IZUMO4: variants seen among roughly 807,000 people sequenced by gnomAD.
The protein encoded by IZUMO4 is IZUMO family member 4, also known as izumo sperm-egg fusion protein 4.
In IZUMO4, 51 loss-of-function variants were observed where a neutral mutation model predicts 37.1. That is an observed-to-expected ratio of 1.38 (90% confidence interval 1.10 to 1.74). The LOEUF (loss-of-function observed/expected upper bound fraction) is 1.74. Ranked by LOEUF, IZUMO4 falls within the 40% of genes most tolerant of loss-of-function variation. IZUMO4 has a pLI of 0.00. For missense variants in IZUMO4, 364 were observed against 299.6 expected (o/e 1.21, Z -1.59); for synonymous variants, 162 against 121.4 (o/e 1.33, Z -2.20).
rs768395715 is a variant in IZUMO4 at position 2,096,944 on chromosome 19, G to C, written c.-2G>C. ...GTTGGCCGGCGGCGGGCCGGGACGG[G>C]CATGGCCCTGCTGCTGTGCCTGGTG... is the stretch of plus-strand genomic sequence containing the variant. On this transcript the variant is annotated 5_prime_UTR_variant, in exon 1 of 10. Coordinates refer to ENST00000395301, the MANE Select transcript of IZUMO4 (RefSeq NM_001039846.2). 1 of 1,603,292 alleles carries C rather than the reference G, an allele frequency of 6.2e-7. No homozygotes were observed. The highest frequency in any genetic ancestry group is 2.2e-5 in the East Asian group (1 of 44,822).
In IZUMO4 at chr19:2,097,159, A is replaced by T; in HGVS notation, c.214A>T (p.Ile72Phe). Residue 72 changes from isoleucine (I) to phenylalanine (F), a missense_variant, in exon 1 of 10, where the codon ATC (isoleucine) becomes TTC (phenylalanine). Physicochemically the swap from Ile to Phe is conservative, Grantham distance 21. Transcript: ENST00000395301. ...GCTGCACCTGGCCATCCCCGCCAAG[A>T]TCAGTGAGTGCCGGAGCCCAGCCCA... Reference protein sequence around the residue: ...KELHLAIPAKITREKLDQVAT... With the variant: ...KELHLAIPAKFTREKLDQVAT... 1 of 1,610,146 alleles carries T rather than the reference A, an allele frequency of 6.2e-7. No individual in the cohort carries two copies. Among genetic ancestry groups the T allele is most frequent in the South Asian group, 1.1e-5 (1 of 90,932 alleles).
At position 2,099,268 on chromosome 19, in the gene IZUMO4, G is replaced by T. The variant is rs1160297407; in HGVS notation, c.622G>T (p.Ala208Ser). The T allele has an allele frequency of 6.2e-7, 1 of 1,612,742 alleles. No individual in the cohort carries two copies. The highest frequency in any genetic ancestry group is 1.7e-5 in the Admixed American group (1 of 59,974). ...RATPAFLVSPALRCLEPPHLA... is the reference protein window; with the variant it reads ...RATPAFLVSPSLRCLEPPHLA... ...GTCTCCCCGCAGCCTGGTATCGCCA[G>T]CCTTAAGGTGTCTGGAGCCCCCACA... is the stretch of plus-strand genomic sequence containing the variant. Residue 208 changes from alanine to serine, a missense_variant, in exon 10 of 10, where the codon GCC becomes TCC. Coordinates refer to ENST00000395301, the MANE Select transcript of IZUMO4 (RefSeq NM_001039846.2).
intron 2 of IZUMO4, 36 bp from the exon 3 acceptor site, chr19:2,097,388 G>T (rs1490943133): frequency 2.9e-6 from 2 of 684,420 alleles, no homozygotes; most frequent in African/African-American, 1.8e-5. Context: ...CCCGCCCACC[G>T]CCTGAGCCTG....
chr19:2,098,560 C>T (rs371087830), intron 7 of IZUMO4, 110 bp downstream of exon 7: 5 of 1,605,338 alleles, frequency 3.1e-6, no homozygotes, highest in South Asian at 1.1e-5. Context: ...CCTAGAGGGG[C>T]TCCCGAGGAG....
intron 5 of IZUMO4, 51 bp downstream of exon 5, chr19:2,098,178 G>C (rs1311857635): frequency 6.2e-7 from 1 of 1,610,292 alleles, no homozygotes; most frequent in Non-Finnish European, 8.5e-7. Context: ...CTGTCCCTGG[G>C]GTCCCAGGCT....
At position 2,096,996 on chromosome 19, in the gene IZUMO4, C is replaced by T; in HGVS notation, c.51C>T (p.Gly17=). The T allele has an allele frequency of 6.2e-7, 1 of 1,610,510 alleles. No individual in the cohort carries two copies. The highest frequency in any genetic ancestry group is 8.5e-7 in the Non-Finnish European group (1 of 1,179,838). ...LVCLTAALAH[G]CLHCHSNFSK... is the part of the protein sequence containing the mutation. ...GCCTGACGGCGGCGCTGGCCCACGG[C>T]TGTCTGCACTGCCACAGCAACTTCT... is the stretch of plus-strand genomic sequence containing the variant. Residue 17 remains glycine (G), a synonymous_variant, in exon 1 of 10, where the codon GGC becomes GGT. Transcript: ENST00000395301.
At chr19:2,098,873 C>G in intron 8 of IZUMO4, 69 bp downstream of exon 8, 1 of 1,580,106 alleles carries the variant, frequency 6.3e-7, no homozygotes, top group Non-Finnish European at 8.7e-7. Flanking sequence ...CTAGGGGGTC[C>G]TCTAGATCAG....
At chr19:2,099,184 C>T in intron 9 of IZUMO4, 71 bp from the exon 10 acceptor site, 1 of 1,474,542 alleles carries the variant, frequency 6.8e-7, no homozygotes, top group African/African-American at 1.4e-5. Context: ...GGAGGAGAGG[C>T]CTGGGGCCCC....
chr19:2,098,224 G>T (rs1172195414), intron 5 of IZUMO4, 63 bp from the exon 6 acceptor site: 1 of 1,611,910 alleles, frequency 6.2e-7, no homozygotes, highest in Non-Finnish European at 8.5e-7. Context: ...CCACCTGGCT[G>T]TCATCGGGTA....
chr19:2,098,616 T>TA, intron 7 of IZUMO4, 166 bp downstream of exon 7: 1 of 1,574,928 alleles, frequency 6.3e-7, no homozygotes, highest in Non-Finnish European at 8.6e-7. Context: ...TGCAGTCCTT[T>TA]TCTCCCTCAA....
chr19:2,098,752 C>T (rs773546473), intron 7 of IZUMO4, 35 bp from the exon 8 acceptor site: 6 of 1,605,268 alleles, frequency 3.7e-6, no homozygotes, highest in East Asian at 2.2e-5. Context: ...AGGGGTGCCC[C>T]ATGGAGGGGC....
intron 3 of IZUMO4, 25 bp downstream of exon 3, chr19:2,097,520 G>T: frequency 6.2e-7 from 1 of 1,600,470 alleles, no homozygotes; most frequent in South Asian, 1.1e-5. Flanking sequence ...CTTCAGAGGA[G>T]GGAGGTGTTG....
Position 2,097,506 on chromosome 19 carries a change from A to G in IZUMO4, c.370+11A>G. Reference sequence around the variant, plus strand: ...ACGCCATCATCGAAAGTGAGCAAATAAGGCTTCAGAGGAGGGAGGTGTTGC... The same window carrying G: ...ACGCCATCATCGAAAGTGAGCAAATGAGGCTTCAGAGGAGGGAGGTGTTGC... On this transcript the variant is annotated intron_variant, in intron 3 of 9. Coordinates refer to ENST00000395301, the MANE Select transcript of IZUMO4 (RefSeq NM_001039846.2). The G allele has an allele frequency of 1.2e-6, 2 of 1,609,050 alleles. No individual in the cohort carries two copies. The highest frequency in any genetic ancestry group is 2.2e-5 in the East Asian group (1 of 44,856).
rs1156673368 is a variant in IZUMO4 at position 2,097,005 on chromosome 19, C to G, written c.60C>G (p.His20Gln). 2 of 1,611,292 alleles carry G rather than the reference C, an allele frequency of 1.2e-6. No individual in the cohort carries two copies. The highest frequency in any genetic ancestry group is 1.1e-5 in the South Asian group (1 of 91,084). ...LTAALAHGCLHCHSNFSKKFS... is the reference protein window; with the variant it reads ...LTAALAHGCLQCHSNFSKKFS... Reference sequence around the variant, plus strand: ...CGGCGCTGGCCCACGGCTGTCTGCACTGCCACAGCAACTTCTCCAAGAAGT... The same window carrying G: ...CGGCGCTGGCCCACGGCTGTCTGCAGTGCCACAGCAACTTCTCCAAGAAGT... The change falls in exon 1 of 10, where the codon CAC becomes CAG. Residue 20 changes from histidine to glutamine, a missense_variant. By Grantham distance (24) the His-to-Gln change is conservative (BLOSUM62 0). Coordinates refer to ENST00000395301, the MANE Select transcript of IZUMO4 (RefSeq NM_001039846.2).
In IZUMO4 at chr19:2,097,909, G is replaced by A. The variant is rs1246855731; in HGVS notation, c.371-20G>A. ...ACAAGGCTGGGCCTGGTAAGATGGC[G>A]CTGTCCTGCCCTCCCACAGGCCGCA... is the stretch of plus-strand genomic sequence containing the variant. On this transcript the variant is annotated intron_variant, in intron 3 of 9. Transcript: ENST00000395301. The A allele has an allele frequency of 5.0e-6, 8 of 1,612,734 alleles. No homozygotes were observed. Among genetic ancestry groups the A allele is most frequent in the Non-Finnish European group, 5.1e-6 (6 of 1,179,840 alleles).
rs1464610541 is a variant in IZUMO4 at position 2,099,570 on chromosome 19, T to A, written c.*225T>A. Reference sequence around the variant, plus strand: ...GCAGAGCTGCGGGATGTGATTAAAGTCCCTGATGTTTCTCTTTGCAGAAGA... The same window carrying A: ...GCAGAGCTGCGGGATGTGATTAAAGACCCTGATGTTTCTCTTTGCAGAAGA... On this transcript the variant is annotated 3_prime_UTR_variant, in exon 10 of 10. Coordinates refer to ENST00000395301, the MANE Select transcript of IZUMO4 (RefSeq NM_001039846.2). The A allele has an allele frequency of 4.6e-5, 26 of 566,652 alleles. No individual in the cohort carries two copies. The South Asian group carries it at 5.3e-4, about 11-fold the overall frequency. The allele number at this position is 566,652 out of a possible 1,614,324, so 35.1% of individuals were successfully genotyped here.
Position 2,098,138 on chromosome 19 carries a change from G to A in IZUMO4, c.473+11G>A, listed in dbSNP as rs1384496789. ...TGGCTATAACTGCGAGTAGGGCTCAGGCATCACACCCACCCGTGCCAGGGC... is the reference window on the plus strand; with the variant it reads ...TGGCTATAACTGCGAGTAGGGCTCAAGCATCACACCCACCCGTGCCAGGGC... On this transcript the variant is annotated intron_variant, in intron 5 of 9. Transcript: ENST00000395301. 3 of 1,613,322 alleles carry A rather than the reference G, an allele frequency of 1.9e-6. No homozygotes were observed. The highest frequency in any genetic ancestry group is 2.5e-6 in the Non-Finnish European group (3 of 1,179,944).
rs751614421 is a variant in IZUMO4 at position 2,097,444 on chromosome 19, C to T, written c.319C>T (p.Arg107Ter). The T allele has an allele frequency of 1.2e-6, 2 of 1,612,888 alleles. No homozygotes were observed. Among genetic ancestry groups the T allele is most frequent in the Non-Finnish European group, 1.7e-6 (2 of 1,179,802 alleles). Residue 107 changes from arginine to a stop codon, truncating the protein, a stop_gained, in exon 3 of 10, where the codon CGA (arginine) becomes TGA (stop). Transcript: ENST00000395301. LOFTEE classifies it high-confidence loss of function. Reference sequence around the variant, plus strand: ...CTCAGGGTATTTCCCCAACGAGCTGCGAAACATCTTCCGGGAGCAGGTGCA... The same window carrying T: ...CTCAGGGTATTTCCCCAACGAGCTGTGAAACATCTTCCGGGAGCAGGTGCA... ...YFPGYFPNEL[R>*]NIFREQVHLI...
At chr19:2,098,473 C>A in intron 7 of IZUMO4, 23 bp downstream of exon 7, 1 of 1,613,830 alleles carries the variant, frequency 6.2e-7, no homozygotes, top group Non-Finnish European at 8.5e-7. Flanking sequence ...CTCAAACCAA[C>A]ACAGGCAGTG....
Sources: allele counts gnomAD v4.1 joint callset, GRCh38; gene constraint gnomAD v4.1.1; transcripts MANE v1.5; gene names NCBI Gene and HGNC (gene_info 2026-07-23, HGNC 2026-07-21).